Variants in KALRN observed in about 807,000 individuals in gnomAD.
The protein encoded by KALRN is kalirin RhoGEF kinase, also known as kalirin.
In KALRN, 70 loss-of-function variants were observed where a neutral mutation model predicts 353.7. That is an observed-to-expected ratio of 0.20 (90% confidence interval 0.16 to 0.24). The LOEUF is 0.24. KALRN is among the 10% of genes least tolerant of loss of function. The pLI is 1.00. For missense variants in KALRN, 2,791 were observed against 3,756.7 expected (o/e 0.74, Z 6.72); for synonymous variants, 1,391 against 1,434.8 (o/e 0.97, Z 0.69).
chr3:124,108,063 A>G (rs1382033886), intron 1 of KALRN, among the ~76,000 whole-genome samples: 1 of 152,176 alleles, frequency 6.6e-6, no homozygotes, highest in Non-Finnish European at 1.5e-5. Context: ...CCCACAGTAC[A>G]TATATGTGTA....
In KALRN at chr3:124,708,947, A is replaced by G. The variant is rs940600278; in HGVS notation, c.8076-3988A>G. Among the ~76,000 whole-genome samples, 20 of 152,318 alleles carry G rather than the reference A, an allele frequency of 1.3e-4. 1 individual carries two copies. Among genetic ancestry groups the G allele is most frequent in the Admixed American group, 9.1e-4 (14 of 15,302 alleles). ...GACAGCAGATTTCTCATCAGAATTC[A>G]TGGAGGCAAGAAGACAGCAGAACCA... On this transcript the variant is annotated intron_variant, in intron 57 of 59. Transcript: ENST00000682506.
chr3:124,334,258 C>T lies in KALRN; in HGVS notation c.1417-7C>T. The stretch of plus-strand genomic sequence containing the variant: ...TCCCTTAACTTAAACTTCTCTCTTT[C>T]CTGCAGGTCAGCCAGGATGGCAAAG... On this transcript the variant is annotated splice_region_variant and splice_polypyrimidine_tract_variant and intron_variant, in intron 8 of 59. Coordinates refer to ENST00000682506, the MANE Select transcript of KALRN (RefSeq NM_001388419.1). The surrounding 1 kb of genome is among the most constrained non-coding windows in gnomAD (Gnocchi z 4.2). The T allele has an allele frequency of 6.2e-7, 1 of 1,612,948 alleles. No individual in the cohort carries two copies. The highest frequency in any genetic ancestry group is 8.5e-7 in the Non-Finnish European group (1 of 1,178,888).
intron 34 of KALRN, among the ~76,000 whole-genome samples, chr3:124,585,117 G>A (rs1486009350): frequency 6.6e-6 from 1 of 152,236 alleles, no homozygotes; most frequent in Non-Finnish European, 1.5e-5. Context: ...CTGGCGGTGA[G>A]GTTCTGACTT....
At chr3:124,216,807 G>T (rs188569689) in intron 1 of KALRN, among the ~76,000 whole-genome samples, 36 of 152,338 alleles carry the variant, frequency 2.4e-4, no homozygotes, top group African/African-American at 8.2e-4. Context: ...CCCTGGTTAT[G>T]CTAGGTCCAC....
intron 42 of KALRN, among the ~76,000 whole-genome samples, chr3:124,658,729 A>G (rs983857285): frequency 6.6e-6 from 1 of 152,204 alleles, no homozygotes; most frequent in Non-Finnish European, 1.5e-5. Flanking sequence ...GAGGTGGCCC[A>G]GTCTGGGTTC....
At position 124,667,157 on chromosome 3, in the gene KALRN, T is replaced by C; in HGVS notation, c.6677T>C (p.Leu2226Ser). The C allele has an allele frequency of 6.2e-7, 1 of 1,614,038 alleles. No individual in the cohort carries two copies. Residue 2226 changes from leucine (L) to serine (S), a missense_variant, in exon 47 of 60, where the codon TTA (leucine) becomes TCA (serine). Physicochemically the swap from Leu to Ser is moderately radical, Grantham distance 145. Coordinates refer to ENST00000682506, the MANE Select transcript of KALRN (RefSeq NM_001388419.1). Reference sequence around the variant, plus strand: ...TGGGTGCAGGACATCAATCAAGTCTTAGAAACACAGCGAGACTTTTTGAAT... The same window carrying C: ...TGGGTGCAGGACATCAATCAAGTCTCAGAAACACAGCGAGACTTTTTGAAT... ...QAWVQDINQV[L>S]ETQRDFLNAL...
intron 6 of KALRN, among the ~76,000 whole-genome samples, chr3:124,314,515 C>G (rs2078617723): frequency 6.6e-6 from 1 of 151,960 alleles, no homozygotes; most frequent in African/African-American, 2.4e-5. Context: ...AAAAAGAATA[C>G]CTGAATCTGG....
chr3:124,094,582 A>C, intron 1 of KALRN: 1 of 539,500 alleles, frequency 1.9e-6, no homozygotes, highest in Non-Finnish European at 3.4e-6. Flanking sequence ...CGCATCTCCG[A>C]CCTCCCCTTG....
chr3:124,438,677 G>C (rs1201010242), intron 17 of KALRN, among the ~76,000 whole-genome samples: 4 of 117,988 alleles, frequency 3.4e-5, no homozygotes, highest in African/African-American at 1.1e-4. Flanking sequence ...CCCATAAAAA[G>C]ATGATTCCAA....
chr3:124,319,191 A>AAAATTG (rs2079081310), intron 6 of KALRN, among the ~76,000 whole-genome samples: 1 of 151,956 alleles, frequency 6.6e-6, no homozygotes, highest in Admixed American at 6.6e-5. Context: ...AATTAAAATT[A>AAAATTG]AAAATACCAA....
At chr3:124,584,543 G>C in intron 34 of KALRN, 1 of 1,124,474 alleles carries the variant, frequency 8.9e-7, no homozygotes, top group Non-Finnish European at 1.2e-6. Flanking sequence ...CACAGGCAGC[G>C]TTACATGAGG....
chr3:124,495,983 A>G (rs1339441632), intron 32 of KALRN, among the ~76,000 whole-genome samples: 2,997 of 46,150 alleles, frequency 0.065, 468 homozygotes, highest in Admixed American at 0.083. Context: ...ATATATATAT[A>G]TATATATATA....
chr3:124,504,046 A>G (rs2064928670), intron 33 of KALRN, among the ~76,000 whole-genome samples: 1 of 152,186 alleles, frequency 6.6e-6, no homozygotes, highest in Non-Finnish European at 1.5e-5. Flanking sequence ...GCTTGCAGGA[A>G]ACCTCGGAAG....
intron 1 of KALRN, among the ~76,000 whole-genome samples, chr3:124,209,432 G>A (rs2076708031): frequency 7.5e-6 from 1 of 133,940 alleles, no homozygotes; most frequent in East Asian, 2.2e-4. Context: ...AGAATTGCTT[G>A]AAGCCGAGAT....
At chr3:124,362,406 G>A (rs2084155329) in intron 10 of KALRN, among the ~76,000 whole-genome samples, 1 of 152,362 alleles carries the variant, frequency 6.6e-6, no homozygotes, top group South Asian at 2.1e-4. Context: ...TTGAGACAGA[G>A]GGAGCTGAGA....
At position 124,496,054 on chromosome 3, in the gene KALRN, G is replaced by T. The variant is rs1353403403; in HGVS notation, c.4833-257G>T. On this transcript the variant is annotated intron_variant, in intron 32 of 59. Coordinates refer to ENST00000682506, the MANE Select transcript of KALRN (RefSeq NM_001388419.1). ...ATACATACACCCCCTCTGCAGCATG[G>T]GCTGGAGGAGTTTTGGGGAAGGGGG... is the stretch of plus-strand genomic sequence containing the variant. 2.2e-5 allele frequency among the ~76,000 whole-genome samples: 3 copies of T among 135,020 alleles called. 1 individual carries two copies. Among genetic ancestry groups the T allele is most frequent in the African/African-American group, 8.2e-5 (3 of 36,564 alleles). 88.6% of individuals were successfully genotyped at this position (135,020 alleles called of 152,430 possible). A position where few individuals can be genotyped will look rare whatever the true frequency, so the allele number is the denominator to read the frequency against.
intron 14 of KALRN, among the ~76,000 whole-genome samples, chr3:124,420,430 T>C (rs2150344101): frequency 6.6e-6 from 1 of 152,352 alleles, no homozygotes; most frequent in East Asian, 1.9e-4. Context: ...TGCAGATGGA[T>C]CTTAAATTGC....
At chr3:124,673,982 C>T (rs1245518100) in intron 48 of KALRN, among the ~76,000 whole-genome samples, 1 of 152,166 alleles carries the variant, frequency 6.6e-6, no homozygotes, top group East Asian at 1.9e-4. Flanking sequence ...TGACCCCTGA[C>T]ATGACACTTG....
At chr3:124,578,862 A>G (rs914295354) in intron 34 of KALRN, among the ~76,000 whole-genome samples, 11 of 129,496 alleles carry the variant, frequency 8.5e-5, no homozygotes, top group Admixed American at 3.2e-4. Flanking sequence ...GAATGGTTGG[A>G]GTGGAGTTAA....
Sources: allele counts gnomAD v4.1 joint callset (sites outside exome capture counted in the v4.1 genomes callset), GRCh38; gene constraint gnomAD v4.1.1; non-coding constraint Gnocchi (gnomAD v3.1); transcripts MANE v1.5; gene names NCBI Gene and HGNC (gene_info 2026-07-23, HGNC 2026-07-21).